The following LUC7L3 variants were observed in gnomAD, a reference collection of about 807,000 sequenced individuals.
LUC7L3 encodes the protein luc7-like protein 3.
Under a neutral mutation model 66.8 loss-of-function variants are expected in LUC7L3, and 6 were observed. That is an observed-to-expected ratio of 0.09 (90% CI 0.05 to 0.18). LUC7L3 has a LOEUF of 0.18. Among genes scored for constraint, LUC7L3 ranks in the 10% least tolerant of loss-of-function variants. The probability of loss-of-function intolerance (pLI) is 1.00; values close to 1 mark genes in which losing one functional copy is unlikely to be tolerated. For missense variants in LUC7L3, 341 were observed against 531.1 expected (o/e 0.64, Z 3.52); for synonymous variants, 160 against 174.7 (o/e 0.92, Z 0.66).
chr17:50,720,406 TC>T (rs1968668489), intron 1 of LUC7L3, among the ~76,000 whole-genome samples: 1 of 152,264 alleles, frequency 6.6e-6, no homozygotes, highest in African/African-American at 2.4e-5. Context: ...CAAGGTTTTT[TC>T]TTCCACATAA....
At chr17:50,736,412 G>C (rs1349482620) in intron 1 of LUC7L3, among the ~76,000 whole-genome samples, 2 of 152,118 alleles carry the variant, frequency 1.3e-5, no homozygotes, top group Non-Finnish European at 2.9e-5. Flanking sequence ...GGGCAATGTA[G>C]CAAGTCCCCA....
At chr17:50,732,460 C>T (rs1259093814) in intron 1 of LUC7L3, among the ~76,000 whole-genome samples, 1 of 152,174 alleles carries the variant, frequency 6.6e-6, no homozygotes, top group Non-Finnish European at 1.5e-5. Flanking sequence ...CCACTCACTG[C>T]AGCCTCAACC....
At chr17:50,740,231 ATAAC>A in intron 2 of LUC7L3, 71 bp from the exon 3 acceptor site, 1 of 1,146,054 alleles carries the variant, frequency 8.7e-7, no homozygotes, top group Non-Finnish European at 1.3e-6. Context: ...AAAAAGAAAA[ATAAC>A]TCTTTTTTTT....
chr17:50,740,801 C>T (rs1970302075), intron 3 of LUC7L3, among the ~76,000 whole-genome samples: 2 of 152,170 alleles, frequency 1.3e-5, no homozygotes, highest in Admixed American at 1.3e-4. Flanking sequence ...CTCAAGTGAT[C>T]CACCCACCTC....
At chr17:50,731,561 T>G (rs1969606853) in intron 1 of LUC7L3, among the ~76,000 whole-genome samples, 2 of 152,212 alleles carry the variant, frequency 1.3e-5, no homozygotes, top group African/African-American at 4.8e-5. Flanking sequence ...GTTAATATTT[T>G]TAGTTAAAAT....
chr17:50,737,146 ATAAG>A (rs1281606006), intron 2 of LUC7L3, 120 bp downstream of exon 2: 17 of 698,446 alleles, frequency 2.4e-5, no homozygotes, highest in African/African-American at 1.3e-4. Context: ...AGATTTGCTA[ATAAG>A]TAATTTCTTA....
chr17:50,740,950 A>G (rs1462069797), intron 3 of LUC7L3, 152 bp from the exon 4 acceptor site: 11 of 735,596 alleles, frequency 1.5e-5, no homozygotes, highest in Middle Eastern at 3.9e-4. Context: ...GTAAAGCTCT[A>G]TGATGAGGGG....
intron 1 of LUC7L3, among the ~76,000 whole-genome samples, chr17:50,725,045 AC>A (rs1318505154): frequency 6.6e-6 from 1 of 152,190 alleles, no homozygotes; most frequent in Non-Finnish European, 1.5e-5. Flanking sequence ...GGGGTGAGCC[AC>A]CATGCCCAGC....
chr17:50,734,460 C>T (rs150388070), intron 1 of LUC7L3, among the ~76,000 whole-genome samples: 1 of 152,144 alleles, frequency 6.6e-6, no homozygotes, highest in Non-Finnish European at 1.5e-5. Context: ...AGCCACTGTG[C>T]CCAGCCTTTA....
intron 1 of LUC7L3, among the ~76,000 whole-genome samples, chr17:50,720,216 T>G (rs539002780): frequency 1.6e-4 from 25 of 152,308 alleles, no homozygotes; most frequent in African/African-American, 6.0e-4. Flanking sequence ...AGACTAAAAT[T>G]TCTGACCAGG....
At chr17:50,731,351 A>G (rs563121961) in intron 1 of LUC7L3, among the ~76,000 whole-genome samples, 4 of 152,170 alleles carry the variant, frequency 2.6e-5, no homozygotes, top group Admixed American at 6.5e-5. Context: ...GTATTTTTGT[A>G]GAGACAGGGT....
intron 2 of LUC7L3, 38 bp downstream of exon 2, chr17:50,737,064 GAT>G: frequency 1.3e-6 from 2 of 1,487,544 alleles, no homozygotes; most frequent in Non-Finnish European, 1.9e-6. Context: ...TCAAATTTAT[GAT>G]ATTTAAAATG....
intron 1 of LUC7L3, chr17:50,724,032 T>C: frequency 4.5e-6 from 2 of 445,826 alleles, no homozygotes; most frequent in South Asian, 3.1e-5. Context: ...TGCTATTTGC[T>C]TTTCTTCCCA....
At chr17:50,725,989 T>A (rs1181937973) in intron 1 of LUC7L3, among the ~76,000 whole-genome samples, 1 of 152,220 alleles carries the variant, frequency 6.6e-6, no homozygotes, top group Non-Finnish European at 1.5e-5. Context: ...CTGTTGCTAT[T>A]ACAGTGAGCT....
rs1022051590 is a variant in LUC7L3 at position 50,755,305 on chromosome 17, A to G, written c.*4644A>G. On this transcript the variant is annotated 3_prime_UTR_variant, in exon 10 of 10. Transcript: ENST00000505658. ...TCCAAGTTGTTTTCTTTGTGGGGAG[A>G]TGGGAGGTGGGAGGAAATATAAACA... 1.3e-5 allele frequency: 2 copies of G among 151,908 alleles called. No individual in the cohort carries two copies. The highest frequency in any genetic ancestry group is 2.4e-5 in the African/African-American group (1 of 41,328). The allele number at this position is 151,908 out of a possible 1,614,324, so 9.4% of individuals were successfully genotyped here. A position where few individuals can be genotyped will look rare whatever the true frequency, so the allele number is the denominator to read the frequency against.
In LUC7L3 at chr17:50,753,146, A is replaced by C. The variant is rs1567883830; in HGVS notation, c.*2485A>C. 2 of 152,304 alleles carry C rather than the reference A, an allele frequency of 1.3e-5. No homozygotes were observed. Among genetic ancestry groups the C allele is most frequent in the Admixed American group, 1.3e-4 (2 of 15,268 alleles). The allele number at this position is 152,304 out of a possible 1,614,324, so 9.4% of individuals were successfully genotyped here. On this transcript the variant is annotated 3_prime_UTR_variant, in exon 10 of 10. Transcript: ENST00000505658. Reference sequence around the variant, plus strand: ...AAGTGATTATTTTTGTGTCACATCTAGGAAAACCGGCAGCATGTTTCTATC... The same window carrying C: ...AAGTGATTATTTTTGTGTCACATCTCGGAAAACCGGCAGCATGTTTCTATC...
chr17:50,738,638 G>T (rs1246351715), intron 2 of LUC7L3, among the ~76,000 whole-genome samples: 4 of 152,136 alleles, frequency 2.6e-5, no homozygotes, highest in African/African-American at 9.7e-5. Flanking sequence ...TCACCAGAAA[G>T]ATTTGAAAAT....
intron 2 of LUC7L3, among the ~76,000 whole-genome samples, chr17:50,737,704 G>C (rs975969794): frequency 6.6e-6 from 1 of 152,046 alleles, no homozygotes; most frequent in African/African-American, 2.4e-5. Context: ...GACATTGCCA[G>C]ATGTCCCCCA....
rs532705960 is a variant in LUC7L3 at position 50,746,631 on chromosome 17, G to A, written c.1067G>A (p.Arg356Gln). The stretch of plus-strand genomic sequence containing the variant: ...CGGGATCGAAGAAGATCAAAAAGCC[G>A]GGATCGAAAGTCATATAAGCACAGG... ...RSRDRRRSKSRDRKSYKHRSK... is the reference protein window; with the variant it reads ...RSRDRRRSKSQDRKSYKHRSK... The change falls in exon 9 of 10, where the codon CGG becomes CAG. Residue 356 changes from arginine (R) to glutamine (Q), a missense_variant. Coordinates refer to ENST00000505658, the MANE Select transcript of LUC7L3 (RefSeq NM_016424.5). The A allele has an allele frequency of 8.1e-6, 13 of 1,614,026 alleles. No homozygotes were observed. The East Asian group carries it at 1.6e-4, about 19-fold the overall frequency.
Sources: allele counts gnomAD v4.1 joint callset (sites outside exome capture counted in the v4.1 genomes callset), GRCh38; gene constraint gnomAD v4.1.1; transcripts MANE v1.5; gene names NCBI Gene and HGNC (gene_info 2026-07-23, HGNC 2026-07-21).